The following PDZRN4 variants were observed in gnomAD, a reference collection of about 807,000 sequenced individuals.
The protein encoded by PDZRN4 is PDZ domain-containing RING finger protein 4.
In PDZRN4, 70 loss-of-function variants were observed where a neutral mutation model predicts 99.0. That is an observed-to-expected ratio of 0.71 (90% CI 0.58 to 0.86). PDZRN4 has a LOEUF of 0.86. Among genes scored for constraint, PDZRN4 ranks in the 40% least tolerant of loss-of-function variants. The probability of loss-of-function intolerance (pLI) is 0.00; values close to 1 mark genes in which losing one functional copy is unlikely to be tolerated. For missense variants in PDZRN4, 1,474 were observed against 1,331.2 expected (o/e 1.11, Z -1.67); for synonymous variants, 551 against 501.6 (o/e 1.10, Z -1.32).
chr12:41,268,251 A>T (rs12300590), intron 3 of PDZRN4, among the ~76,000 whole-genome samples: 2 of 152,140 alleles, frequency 1.3e-5, no homozygotes, highest in African/African-American at 4.8e-5. Flanking sequence ...AGACTTGAGA[A>T]AAGTTTAGCA....
intron 3 of PDZRN4, chr12:41,478,006 C>A: frequency 2.4e-6 from 2 of 833,824 alleles, no homozygotes; most frequent in Non-Finnish European, 1.9e-6. Flanking sequence ...GATAAGAGGA[C>A]AAATGTGGCT....
intron 3 of PDZRN4, among the ~76,000 whole-genome samples, chr12:41,362,185 AAATT>A (rs576511274): frequency 4.6e-5 from 7 of 152,110 alleles, no homozygotes; most frequent in Non-Finnish European, 1.0e-4. Context: ...CCATCGTCCT[AAATT>A]AATTGTTAGT....
chr12:41,571,851 A>T (rs1460891437), intron 9 of PDZRN4, among the ~76,000 whole-genome samples: 1 of 152,198 alleles, frequency 6.6e-6, no homozygotes, highest in East Asian at 1.9e-4. Context: ...ACTTAGTCCT[A>T]AAACTCTGTG....
intron 5 of PDZRN4, among the ~76,000 whole-genome samples, chr12:41,552,269 T>C (rs989227501): frequency 6.6e-6 from 1 of 152,210 alleles, no homozygotes; most frequent in Non-Finnish European, 1.5e-5. Flanking sequence ...AAACATGTAA[T>C]AGTAACTCCT....
At chr12:41,431,283 G>A (rs1048217515) in intron 3 of PDZRN4, among the ~76,000 whole-genome samples, 3 of 152,218 alleles carry the variant, frequency 2.0e-5, no homozygotes, top group African/African-American at 7.2e-5. Context: ...TATCATCACA[G>A]CAAGTTCATC....
intron 3 of PDZRN4, among the ~76,000 whole-genome samples, chr12:41,253,770 G>A (rs1023057430): frequency 2.0e-5 from 3 of 152,122 alleles, no homozygotes; most frequent in Admixed American, 6.6e-5. Context: ...TAAAGAAAAT[G>A]TGATACATAT....
chr12:41,211,130 T>C (rs1430707903), intron 3 of PDZRN4, among the ~76,000 whole-genome samples: 1 of 152,000 alleles, frequency 6.6e-6, no homozygotes, highest in African/African-American at 2.4e-5. Flanking sequence ...GTTATTTCAT[T>C]GCCAATATTT....
intron 3 of PDZRN4, among the ~76,000 whole-genome samples, chr12:41,344,778 A>G (rs1364158903): frequency 6.7e-6 from 1 of 148,634 alleles, no homozygotes; most frequent in South Asian, 2.1e-4. Context: ...TACATAATAT[A>G]TATATTTAAA....
intron 3 of PDZRN4, among the ~76,000 whole-genome samples, chr12:41,497,596 G>A (rs963977904): frequency 6.6e-6 from 1 of 152,090 alleles, no homozygotes; most frequent in Non-Finnish European, 1.5e-5. Flanking sequence ...AGAGTCACTT[G>A]AGATATAAAA....
intron 5 of PDZRN4, among the ~76,000 whole-genome samples, chr12:41,548,927 C>T (rs1473843023): frequency 6.6e-6 from 1 of 152,184 alleles, no homozygotes; most frequent in Non-Finnish European, 1.5e-5. Context: ...CACCTTCAAC[C>T]TATATATAAT....
At chr12:41,399,981 C>T (rs1033562111) in intron 3 of PDZRN4, among the ~76,000 whole-genome samples, 7 of 151,978 alleles carry the variant, frequency 4.6e-5, no homozygotes, top group African/African-American at 1.4e-4. Flanking sequence ...AGAGAGAGAA[C>T]GTTATGGCCC....
At chr12:41,436,895 T>C (rs540565155) in intron 3 of PDZRN4, among the ~76,000 whole-genome samples, 2 of 152,326 alleles carry the variant, frequency 1.3e-5, no homozygotes, top group South Asian at 2.1e-4. Context: ...GTATCAGCTT[T>C]GTAAAATATT....
intron 3 of PDZRN4, among the ~76,000 whole-genome samples, chr12:41,378,913 A>C (rs977247644): frequency 1.3e-5 from 2 of 152,274 alleles, no homozygotes; most frequent in Non-Finnish European, 1.5e-5. Flanking sequence ...AATACTGGGG[A>C]TACTGGGACT....
chr12:41,530,510 A>C (rs1788458861), intron 5 of PDZRN4, among the ~76,000 whole-genome samples: 1 of 152,188 alleles, frequency 6.6e-6, no homozygotes, highest in Non-Finnish European at 1.5e-5. Context: ...AAAATGGTGC[A>C]GTTTATGTAT....
intron 3 of PDZRN4, 81 bp downstream of exon 3, chr12:41,194,269 T>C (rs1483587763): frequency 1.4e-6 from 1 of 723,924 alleles, no homozygotes; most frequent in East Asian, 2.6e-5. Flanking sequence ...CCACTTTACC[T>C]TGGTGTGGTG....
chr12:41,555,853 G>A (rs962009234), intron 7 of PDZRN4, 93 bp downstream of exon 7: 8 of 1,085,686 alleles, frequency 7.4e-6, no homozygotes, highest in Non-Finnish European at 9.7e-6. Flanking sequence ...AAAAGAATTT[G>A]TCTTTGCTTT....
chr12:41,481,723 T>A (rs1004535872), intron 3 of PDZRN4, among the ~76,000 whole-genome samples: 1 of 152,170 alleles, frequency 6.6e-6, no homozygotes, highest in Admixed American at 6.6e-5. Context: ...TAGTAATTTC[T>A]CACTTAGTAT....
intron 3 of PDZRN4, among the ~76,000 whole-genome samples, chr12:41,387,288 A>T (rs1299284647): frequency 3.3e-5 from 5 of 152,166 alleles, no homozygotes; most frequent in Non-Finnish European, 5.9e-5. Context: ...CAACCCCATT[A>T]AAAAAAGTGC....
intron 3 of PDZRN4, among the ~76,000 whole-genome samples, chr12:41,506,188 T>C (rs748698479): frequency 6.6e-6 from 1 of 152,172 alleles, no homozygotes; most frequent in Non-Finnish European, 1.5e-5. Flanking sequence ...GTTACTTAAA[T>C]TTTTAAATCT....
Sources: allele counts gnomAD v4.1 joint callset (sites outside exome capture counted in the v4.1 genomes callset), GRCh38; gene constraint gnomAD v4.1.1; transcripts MANE v1.5; gene names NCBI Gene and HGNC (gene_info 2026-07-23, HGNC 2026-07-21).